The following GAREM1 variants were observed in gnomAD, a reference collection of about 807,000 sequenced individuals.
The protein encoded by GAREM1 is GRB2 associated regulator of MAPK1 subtype 1, also known as GRB2-associated and regulator of MAPK protein 1.
A neutral mutation model predicts 71.3 loss-of-function variants in GAREM1; 26 were observed. The observed-to-expected ratio is 0.36, with a 90% CI of 0.27 to 0.51. The LOEUF is 0.51. Ranked by LOEUF, GAREM1 falls within the 20% of genes least tolerant of loss-of-function variation. The probability of loss-of-function intolerance (pLI) is 0.95; values close to 1 mark genes in which losing one functional copy is unlikely to be tolerated. For missense variants in GAREM1, 1,026 were observed against 1,103.1 expected (o/e 0.93, Z 0.99); for synonymous variants, 440 against 433.2 (o/e 1.02, Z -0.20).
chr18:32,376,238 G>A (rs556215303), intron 2 of GAREM1, among the ~76,000 whole-genome samples: 5 of 152,274 alleles, frequency 3.3e-5, no homozygotes, highest in East Asian at 1.9e-4. Context: ...ATGCATTGAC[G>A]TCTCAAGATT....
intron 1 of GAREM1, among the ~76,000 whole-genome samples, chr18:32,459,453 C>G (rs2048931255): frequency 6.6e-6 from 1 of 151,832 alleles, no homozygotes; most frequent in African/African-American, 2.4e-5. Context: ...TCTTAACTGG[C>G]CAAAGACAGG....
At chr18:32,313,482 TA>T (rs1320628829) in intron 2 of GAREM1, among the ~76,000 whole-genome samples, 1 of 152,140 alleles carries the variant, frequency 6.6e-6, no homozygotes, top group East Asian at 1.9e-4. Context: ...GGCAAACAGC[TA>T]AATGACTGAG....
intron 2 of GAREM1, among the ~76,000 whole-genome samples, chr18:32,321,811 T>C (rs1226135900): frequency 6.6e-6 from 1 of 152,152 alleles, no homozygotes; most frequent in African/African-American, 2.4e-5. Flanking sequence ...CCAGTTTTCC[T>C]AGTTGATTGT....
At chr18:32,393,172 T>A in intron 1 of GAREM1, 137 bp from the exon 2 acceptor site, 3 of 701,228 alleles carry the variant, frequency 4.3e-6, no homozygotes, top group Non-Finnish European at 6.6e-6. Context: ...AAAGTTTACC[T>A]CTGAATTGTT....
rs565113052 is a variant in GAREM1, at chr18:32,314,025, G to C, written c.263-3702C>G. On this transcript the variant is annotated intron_variant, in intron 2 of 5. Transcript: ENST00000269209. ...ATATACCACATAGAAATATGTAGGG[G>C]TATGAATAATACATTTGAATATACA... Among the ~76,000 whole-genome samples, 24 of 151,916 alleles carry C rather than the reference G, an allele frequency of 1.6e-4. No individual in the cohort carries two copies. In the South Asian group the frequency reaches 2.3e-3, roughly 14 times the overall value.
intron 2 of GAREM1, among the ~76,000 whole-genome samples, chr18:32,381,867 C>A (rs1300514047): frequency 6.6e-6 from 1 of 152,182 alleles, no homozygotes; most frequent in Admixed American, 6.5e-5. Flanking sequence ...AGGAATGGTG[C>A]CTGGTACTTT....
intron 1 of GAREM1, among the ~76,000 whole-genome samples, chr18:32,425,564 G>A (rs1458858): frequency 0.22 from 32,891 of 151,936 alleles, 4,204 homozygotes; most frequent in East Asian, 0.39. Flanking sequence ...AATGTGCATA[G>A]AAGAACCAAG....
chr18:32,410,792 G>A (rs58220828), intron 1 of GAREM1, among the ~76,000 whole-genome samples: 12,698 of 152,034 alleles, frequency 0.084, 570 homozygotes, highest in African/African-American at 0.12. Context: ...CAACAAATAC[G>A]ACTTCGGTTT....
At chr18:32,325,859 C>T (rs1385532305) in intron 2 of GAREM1, among the ~76,000 whole-genome samples, 3 of 152,224 alleles carry the variant, frequency 2.0e-5, no homozygotes, top group South Asian at 2.1e-4. Flanking sequence ...ACTGGACTTA[C>T]GAGGATGACT....
chr18:32,431,559 T>A (rs756498047), intron 1 of GAREM1, among the ~76,000 whole-genome samples: 3 of 151,918 alleles, frequency 2.0e-5, no homozygotes, highest in Non-Finnish European at 4.4e-5. Flanking sequence ...ACCCAGGAGG[T>A]GGAGGTTGCA....
In GAREM1 at chr18:32,268,340, G is replaced by A. The variant is rs1243652942; in HGVS notation, c.2162C>T (p.Ser721Leu). The change falls in exon 6 of 6, where the codon TCA becomes TTA. Residue 721 changes from serine to leucine, a missense_variant. Around this residue, in one of 3 missense-constraint regions of GAREM1, gnomAD observed 636 missense variants for 631.2 expected, o/e 1.01. Transcript: ENST00000269209. The part of the protein sequence containing the change: ...LAAGVTKQST[S>L]CPALPPRAPK... ...AGCCCTGGGGGGTAAGGCAGGGCATGACGTACTCTGCTTTGTCACACCAGC... is the reference window on the plus strand; with the variant it reads ...AGCCCTGGGGGGTAAGGCAGGGCATAACGTACTCTGCTTTGTCACACCAGC... 1.2e-6 allele frequency: 2 copies of A among 1,614,136 alleles called. No homozygotes were observed. The highest frequency in any genetic ancestry group is 2.2e-5 in the South Asian group (2 of 91,078).
intron 3 of GAREM1, chr18:32,290,370 A>G (rs1271892058): frequency 2.0e-5 from 3 of 152,186 alleles, no homozygotes; most frequent in African/African-American, 7.2e-5. Flanking sequence ...GACTGAAGAT[A>G]TCTGCAAAAC....
chr18:32,410,534 G>T (rs1456036281), intron 1 of GAREM1, among the ~76,000 whole-genome samples: 1 of 152,002 alleles, frequency 6.6e-6, no homozygotes, highest in Non-Finnish European at 1.5e-5. Context: ...TTTTTGTAGA[G>T]ACAGGATCTC....
At position 32,470,380 on chromosome 18, in the gene GAREM1, T is replaced by C. The variant is rs770268858; in HGVS notation, c.49A>G (p.Ser17Gly). The change falls in exon 1 of 6, where the codon AGC becomes GGC. Residue 17 changes from serine (S) to glycine (G), a missense_variant. Around this residue, in one of 3 missense-constraint regions of GAREM1, gnomAD observed 172 missense variants for 175.2 expected, o/e 0.98. Transcript: ENST00000269209. This position sits in a 1 kb window ranked among gnomAD's most constrained non-coding sequence, Gnocchi z 4.4. Reference sequence around the variant, plus strand: ...AGGTCGAGCGGCACGGCCACCGAGCTCCACTTCACATCCTTGAGGCTGCAG... The same window carrying C: ...AGGTCGAGCGGCACGGCCACCGAGCCCCACTTCACATCCTTGAGGCTGCAG... ...LGCSLKDVKW[S>G]SVAVPLDLLV... 1 of 1,567,490 alleles carries C rather than the reference T, an allele frequency of 6.4e-7. No individual in the cohort carries two copies. Among genetic ancestry groups the C allele is most frequent in the Non-Finnish European group, 8.6e-7 (1 of 1,158,934 alleles).
At chr18:32,317,702 T>C (rs2047393498) in intron 2 of GAREM1, among the ~76,000 whole-genome samples, 1 of 151,658 alleles carries the variant, frequency 6.6e-6, no homozygotes, top group African/African-American at 2.4e-5. Flanking sequence ...TGCTTTTTTT[T>C]TTTTTTTTTA....
intron 2 of GAREM1, among the ~76,000 whole-genome samples, chr18:32,364,207 G>C (rs1459324815): frequency 1.3e-5 from 2 of 149,750 alleles, no homozygotes; most frequent in African/African-American, 4.9e-5. Flanking sequence ...GCTAATTTTT[G>C]TATTTTTAGT....
intron 2 of GAREM1, among the ~76,000 whole-genome samples, chr18:32,343,311 G>GTTTTTTTT (rs35086441): frequency 1.7e-5 from 2 of 118,870 alleles, no homozygotes; most frequent in Admixed American, 8.6e-5. Context: ...CTCCCCCACT[G>GTTTTTTTT]TTTTTTTTTT....
intron 1 of GAREM1, 119 bp from the exon 2 acceptor site, chr18:32,393,154 G>A (rs2048219313): frequency 2.3e-6 from 2 of 856,652 alleles, no homozygotes; most frequent in Non-Finnish European, 1.7e-6. Flanking sequence ...TTCATCCCAA[G>A]ATGAGATAAA....
chr18:32,377,970 T>C (rs1202255588), intron 2 of GAREM1, among the ~76,000 whole-genome samples: 1 of 151,528 alleles, frequency 6.6e-6, no homozygotes, highest in Non-Finnish European at 1.5e-5. Context: ...AAAGCAGGCT[T>C]TGGGATCTCA....
Sources: allele counts gnomAD v4.1 joint callset (sites outside exome capture counted in the v4.1 genomes callset), GRCh38; gene constraint gnomAD v4.1.1; regional missense constraint gnomAD v4.1.1; non-coding constraint Gnocchi (gnomAD v3.1); transcripts MANE v1.5; gene names NCBI Gene and HGNC (gene_info 2026-07-23, HGNC 2026-07-21).